The following PLEKHA8 variants were observed in gnomAD, a reference collection of about 807,000 sequenced individuals.
PLEKHA8 encodes the protein pleckstrin homology domain containing A8.
In PLEKHA8, 36 loss-of-function variants were observed where a neutral mutation model predicts 68.2. The observed-to-expected ratio is 0.53, with a 90% CI of 0.40 to 0.70. The LOEUF is 0.70. Ranked by LOEUF, PLEKHA8 falls within the 30% of genes least tolerant of loss-of-function variation. The pLI, the probability that PLEKHA8 is intolerant of heterozygous loss-of-function variation, is 0.00. For synonymous variants in PLEKHA8, 211 were observed against 216.1 expected, an observed-to-expected ratio of 0.98 and a Z score of 0.20; for missense variants, 505 against 615.4, an observed-to-expected ratio of 0.82 and a Z score of 1.90.
intron 1 of PLEKHA8, among the ~76,000 whole-genome samples, chr7:30,031,146 C>T (rs1244007245): frequency 6.6e-6 from 1 of 152,216 alleles, no homozygotes; most frequent in African/African-American, 2.4e-5. Context: ...CATTTACCAT[C>T]TACTGTGCTA....
intron 9 of PLEKHA8, among the ~76,000 whole-genome samples, chr7:30,059,558 G>C (rs1473818047): frequency 6.7e-6 from 1 of 148,900 alleles, no homozygotes; most frequent in Non-Finnish European, 1.5e-5. Flanking sequence ...CTCCTTTCCT[G>C]ATCTCTAGCC....
Position 30,078,745 on chromosome 7 carries a change from T to G in PLEKHA8, c.1518T>G (p.Thr506=). 1 of 1,613,766 alleles carries G rather than the reference T, an allele frequency of 6.2e-7. No individual in the cohort carries two copies. The highest frequency in any genetic ancestry group is 8.5e-7 in the Non-Finnish European group (1 of 1,179,756). The change falls in exon 14 of 14, where the codon ACT becomes ACG. Residue 506 remains threonine (T), a synonymous_variant. Transcript: ENST00000449726. ...AGAAGCAGCTGGCCATACTGGACACTTTATATGAGGTCCACGGGCTGGAAT... is the reference window on the plus strand; with the variant it reads ...AGAAGCAGCTGGCCATACTGGACACGTTATATGAGGTCCACGGGCTGGAAT... ...AMEKQLAILD[T]LYEVHGLESD...
At chr7:30,105,568 G>A (rs1465732142) in intron 13 of PLEKHA8, among the ~76,000 whole-genome samples, 4 of 152,288 alleles carry the variant, frequency 2.6e-5, no homozygotes, top group African/African-American at 9.6e-5. Flanking sequence ...GATCAAAACA[G>A]CAAGTTCAAG....
intron 13 of PLEKHA8, chr7:30,115,830 A>G (rs1412588163): frequency 7.0e-6 from 1 of 142,896 alleles, no homozygotes; most frequent in Non-Finnish European, 1.6e-5. Context: ...ACATGCGTGC[A>G]CATACATGTA....
chr7:30,055,265 A>G lies in PLEKHA8; in HGVS notation c.962A>G (p.Asp321Gly), dbSNP rs778055685. 6.2e-7 allele frequency: 1 copy of G among 1,613,988 alleles called. No homozygotes were observed. Among genetic ancestry groups the G allele is most frequent in the Non-Finnish European group, 8.5e-7 (1 of 1,179,858 alleles). Residue 321 changes from aspartate to glycine, a missense_variant, in exon 9 of 14, where the codon GAC becomes GGC. Asp to Gly is a moderately conservative substitution (Grantham distance 94, BLOSUM62 -1). Coordinates refer to ENST00000449726, the MANE Select transcript of PLEKHA8 (RefSeq NM_001197026.2). ...FFSTMNTSFS[D>G]IELLEDSGIP... ...ATCACCAAATTATGTAGCTTTAGTG[A>G]CATTGAACTTCTGGAAGACAGTGGC...
chr7:30,098,052 C>A (rs1007973784), intron 13 of PLEKHA8, among the ~76,000 whole-genome samples: 2 of 152,214 alleles, frequency 1.3e-5, no homozygotes, highest in African/African-American at 4.8e-5. Context: ...ACAGTCAGGA[C>A]CCTCAGCTGC....
At chr7:30,064,746 A>G (rs1793700506) in intron 12 of PLEKHA8, among the ~76,000 whole-genome samples, 1 of 152,200 alleles carries the variant, frequency 6.6e-6, no homozygotes, top group South Asian at 2.1e-4. Flanking sequence ...CTTCACTTCA[A>G]ACTAACTTAT....
chr7:30,029,437 C>G (rs550409038), intron 1 of PLEKHA8, among the ~76,000 whole-genome samples: 1 of 152,282 alleles, frequency 6.6e-6, no homozygotes, highest in East Asian at 1.9e-4. Context: ...TTGCAACTTT[C>G]TTGCCGTGCC....
At chr7:30,033,653 G>C (rs1790826602) in intron 1 of PLEKHA8, among the ~76,000 whole-genome samples, 1 of 152,010 alleles carries the variant, frequency 6.6e-6, no homozygotes, top group Non-Finnish European at 1.5e-5. Flanking sequence ...ATTTCTCTTG[G>C]ATATCTATAA....
chr7:30,029,535 C>G (rs1479954859), intron 1 of PLEKHA8, among the ~76,000 whole-genome samples: 1 of 152,114 alleles, frequency 6.6e-6, no homozygotes, highest in Admixed American at 6.5e-5. Flanking sequence ...TGTAACTGTT[C>G]TACAGCTGTG....
chr7:30,070,627 A>G (rs1466531552), intron 12 of PLEKHA8, among the ~76,000 whole-genome samples: 2 of 151,204 alleles, frequency 1.3e-5, no homozygotes, highest in East Asian at 1.9e-4. Flanking sequence ...GCTCACTGCA[A>G]CCTCTGCCTC....
intron 12 of PLEKHA8, among the ~76,000 whole-genome samples, chr7:30,072,872 C>T (rs1253413012): frequency 6.6e-6 from 1 of 152,144 alleles, no homozygotes; most frequent in Non-Finnish European, 1.5e-5. Context: ...TGCTCTGTTG[C>T]TACTGGAGAT....
At chr7:30,056,280 C>CTG (rs1792861072) in intron 9 of PLEKHA8, among the ~76,000 whole-genome samples, 2 of 53,660 alleles carry the variant, frequency 3.7e-5, no homozygotes, top group East Asian at 1.7e-3. Context: ...AAGATATATT[C>CTG]TCTCTCTCTC....
At chr7:30,121,492 G>A (rs1562561893) in intron 13 of PLEKHA8, among the ~76,000 whole-genome samples, 1 of 152,188 alleles carries the variant, frequency 6.6e-6, no homozygotes, top group Non-Finnish European at 1.5e-5. Context: ...ATCCGGGTGT[G>A]GTGGCAGGAG....
At chr7:30,115,252 T>C (rs1583483736) in intron 13 of PLEKHA8, among the ~76,000 whole-genome samples, 1 of 152,064 alleles carries the variant, frequency 6.6e-6, no homozygotes, top group Non-Finnish European at 1.5e-5. Context: ...AAGTTAGGAG[T>C]CTCATTCCAC....
Position 30,046,208 on chromosome 7 carries a change from A to G in PLEKHA8, c.158-2A>G. The G allele has an allele frequency of 6.3e-7, 1 of 1,594,514 alleles. No individual in the cohort carries two copies. The highest frequency in any genetic ancestry group is 2.3e-5 in the East Asian group (1 of 44,388). On this transcript the variant is annotated splice_acceptor_variant, in intron 2 of 13. Coordinates refer to ENST00000449726, the MANE Select transcript of PLEKHA8 (RefSeq NM_001197026.2). LOFTEE classifies it high-confidence loss of function. The stretch of plus-strand genomic sequence containing the variant: ...TCTGATCTCCCTCTGTCTTGCTCCC[A>G]GTTCATTCTGTAGATAATACACGCA...
At chr7:30,094,125 A>G (rs193202072), downstream of PLEKHA8, among the ~76,000 whole-genome samples, 1 of 152,358 alleles carries the variant, frequency 6.6e-6, no homozygotes, top group Non-Finnish European at 1.5e-5. Context: ...CTGTACCTAG[A>G]CACAAAGGAA....
Position 30,049,522 on chromosome 7 carries a change from A to G in PLEKHA8, c.597+140A>G. On this transcript the variant is annotated intron_variant, in intron 5 of 13. Coordinates refer to ENST00000449726, the MANE Select transcript of PLEKHA8 (RefSeq NM_001197026.2). ...ACTTTGCTCTACGTCCTTTTTTTAT[A>G]TCTGTCCTCAGCACCCCATATCCAG... The G allele has an allele frequency of 2.7e-6, 3 of 1,091,344 alleles. No individual in the cohort carries two copies. The South Asian group carries it at 5.2e-5, about 19-fold the overall frequency. 67.6% of individuals were successfully genotyped at this position (1,091,344 alleles called of 1,614,324 possible). A position where few individuals can be genotyped will look rare whatever the true frequency, so the allele number is the denominator to read the frequency against.
In PLEKHA8 at chr7:30,114,724, C is replaced by T. The variant is rs962529378; in HGVS notation, c.1363-14542C>T. The stretch of plus-strand genomic sequence containing the variant: ...AAGGCTGTTTTTCTGTGAGAATCCC[C>T]GTGGCCTGGGTTGTAAATGTGTCCC... On this transcript the variant is annotated intron_variant, in intron 13 of 13. Coordinates refer to the PLEKHA8 transcript ENST00000396257. 1.4e-4 allele frequency among the ~76,000 whole-genome samples: 21 copies of T among 152,078 alleles called. 1 individual carries two copies. The highest frequency in any genetic ancestry group is 4.6e-4 in the African/African-American group (19 of 41,392).
Sources: gnomAD v4.1 joint callset for allele counts (sites outside exome capture counted in the v4.1 genomes callset) on GRCh38, gnomAD v4.1.1 for gene constraint, MANE v1.5 for transcripts, NCBI Gene and HGNC (gene_info 2026-07-23, HGNC 2026-07-21) for gene names.